Variants in ENTREP2 observed in about 807,000 individuals in gnomAD.
The protein encoded by ENTREP2 is endosomal transmembrane epsin interactor 2.
At chr15:29,505,101 A>AT in the ENTREP2 span, among the ~76,000 whole-genome samples, 1 of 152,264 alleles carries the variant, frequency 6.6e-6, no homozygotes, top group Non-Finnish European at 1.5e-5. This position sits in a 1 kb window ranked among gnomAD's most constrained non-coding sequence, Gnocchi z 4.3. Flanking sequence ...TATAAAGACA[A>AT]TAAAAAAGGC....
At chr15:29,276,142 G>A in the ENTREP2 span, among the ~76,000 whole-genome samples, 1 of 152,200 alleles carries the variant, frequency 6.6e-6, no homozygotes, top group Non-Finnish European at 1.5e-5. Context: ...CAGCAACAGA[G>A]TTTTCCTTGG....
the ENTREP2 span, among the ~76,000 whole-genome samples, chr15:29,563,224 T>C: frequency 2.6e-5 from 4 of 152,250 alleles, no homozygotes; most frequent in Non-Finnish European, 5.9e-5. Flanking sequence ...TCTTGCATTA[T>C]AGTTCTAAAT....
chr15:29,400,497 G>A, the ENTREP2 span, among the ~76,000 whole-genome samples: 1 of 152,076 alleles, frequency 6.6e-6, no homozygotes, highest in Non-Finnish European at 1.5e-5. Flanking sequence ...ATACCAAAAA[G>A]GGGAAAAGAA....
chr15:29,354,921 A>ACCTTTACTG, the ENTREP2 span, among the ~76,000 whole-genome samples: 1 of 151,954 alleles, frequency 6.6e-6, no homozygotes, highest in Non-Finnish European at 1.5e-5. Context: ...TCCACCATAC[A>ACCTTTACTG]CCTTTACTGC....
At chr15:29,333,713 G>C in the ENTREP2 span, among the ~76,000 whole-genome samples, 6 of 152,196 alleles carry the variant, frequency 3.9e-5, no homozygotes, top group Non-Finnish European at 7.4e-5. Context: ...GGGTGAATCT[G>C]TCCTTCCCCC....
At chr15:29,649,082 A>T in the ENTREP2 span, among the ~76,000 whole-genome samples, 21 of 151,970 alleles carry the variant, frequency 1.4e-4, no homozygotes, top group African/African-American at 4.4e-4. Flanking sequence ...ACACACACAC[A>T]CACACACACA....
At chr15:29,153,916 C>T in the ENTREP2 span, among the ~76,000 whole-genome samples, 1 of 152,226 alleles carries the variant, frequency 6.6e-6, no homozygotes, top group Non-Finnish European at 1.5e-5. Flanking sequence ...AAGTGATCCT[C>T]CCACCTCAGC....
At chr15:29,581,941 G>GT in the ENTREP2 span, among the ~76,000 whole-genome samples, 5 of 102,256 alleles carry the variant, frequency 4.9e-5, no homozygotes, top group African/African-American at 1.7e-4. Context: ...AAAATATGCT[G>GT]GTTTTTTTTT....
the ENTREP2 span, among the ~76,000 whole-genome samples, chr15:29,264,707 A>T: frequency 6.6e-6 from 1 of 152,228 alleles, no homozygotes; most frequent in South Asian, 2.1e-4. Flanking sequence ...CTAAAGAAAC[A>T]TAACTAAATA....
the ENTREP2 span, among the ~76,000 whole-genome samples, chr15:29,213,715 T>C: frequency 8.1e-4 from 124 of 152,218 alleles, no homozygotes; most frequent in African/African-American, 2.8e-3. Context: ...TTTCTAGATA[T>C]ACTATCACAG....
At chr15:29,656,920 G>T in the ENTREP2 span, among the ~76,000 whole-genome samples, 1 of 152,136 alleles carries the variant, frequency 6.6e-6, no homozygotes, top group Non-Finnish European at 1.5e-5. Context: ...AGCTTTTTAT[G>T]ACCACAAAAC....
the ENTREP2 span, among the ~76,000 whole-genome samples, chr15:29,477,417 CAA>C: frequency 6.6e-6 from 1 of 150,448 alleles, no homozygotes; most frequent in South Asian, 2.1e-4. Flanking sequence ...ACAAAAAGTG[CAA>C]AAAAAAATAA....
the ENTREP2 span, among the ~76,000 whole-genome samples, chr15:29,141,819 C>T: frequency 3.3e-5 from 5 of 152,204 alleles, no homozygotes; most frequent in Non-Finnish European, 7.3e-5. Flanking sequence ...CTGGAGCTCC[C>T]GCTCTGCGCT....
chr15:29,431,214 A>T, the ENTREP2 span, among the ~76,000 whole-genome samples: 2 of 152,172 alleles, frequency 1.3e-5, no homozygotes, highest in Non-Finnish European at 2.9e-5. Flanking sequence ...TGGCAGTAAC[A>T]GGGGAGCCTC....
At chr15:29,410,005 C>G in the ENTREP2 span, among the ~76,000 whole-genome samples, 1 of 152,320 alleles carries the variant, frequency 6.6e-6, no homozygotes, top group Non-Finnish European at 1.5e-5. Flanking sequence ...ATCATCACGT[C>G]TGAAGAGCAG....
At chr15:29,567,082 C>T in the ENTREP2 span, among the ~76,000 whole-genome samples, 2 of 152,314 alleles carry the variant, frequency 1.3e-5, no homozygotes, top group South Asian at 4.1e-4. Flanking sequence ...CATTACCTCT[C>T]AAAATGGGCA....
chr15:29,388,494 T>C, the ENTREP2 span, among the ~76,000 whole-genome samples: 1 of 152,112 alleles, frequency 6.6e-6, no homozygotes, highest in Non-Finnish European at 1.5e-5. Context: ...CGTAGAGAAA[T>C]AGGAACACTT....
At chr15:29,240,133 C>A in the ENTREP2 span, among the ~76,000 whole-genome samples, 3 of 152,130 alleles carry the variant, frequency 2.0e-5, no homozygotes, top group African/African-American at 7.2e-5. Flanking sequence ...GAGGCCGAGG[C>A]GGGCGGATCA....
At chr15:29,135,865 GGTGATGGCAGTGT>G in the ENTREP2 span, among the ~76,000 whole-genome samples, 23 of 152,200 alleles carry the variant, frequency 1.5e-4, no homozygotes, top group African/African-American at 5.3e-4. The surrounding 1 kb of genome is among the most constrained non-coding windows in gnomAD (Gnocchi z 7.4). Flanking sequence ...CCCAGAGGGC[GGTGATGGCAGTGT>G]GTGATCAAGA....
Sources: allele counts gnomAD v4.1 joint callset (sites outside exome capture counted in the v4.1 genomes callset), GRCh38; gene constraint gnomAD v4.1.1; non-coding constraint Gnocchi (gnomAD v3.1); transcripts MANE v1.5; gene names NCBI Gene and HGNC (gene_info 2026-07-23, HGNC 2026-07-21).